CASS4: variants seen among roughly 807,000 people sequenced by gnomAD.
CASS4 encodes cas scaffolding protein family member 4.
A neutral mutation model predicts 54.2 loss-of-function variants in CASS4; 22 were observed. The observed-to-expected ratio is 0.41, with a 90% CI of 0.29 to 0.58. The LOEUF (loss-of-function observed/expected upper bound fraction) is 0.58, where lower values mean the gene tolerates loss of function less well. Ranked by LOEUF, CASS4 falls within the 20% of genes least tolerant of loss-of-function variation. The pLI is 0.36. For missense variants in CASS4, 854 were observed against 986.7 expected (o/e 0.87, Z 1.80); for synonymous variants, 409 against 391.5 (o/e 1.04, Z -0.53).
intron 3 of CASS4, among the ~76,000 whole-genome samples, chr20:56,449,453 C>A (rs1350784940): frequency 6.6e-6 from 1 of 151,258 alleles, no homozygotes; most frequent in African/African-American, 2.4e-5. Flanking sequence ...ACACCGGGGC[C>A]TGTCATGGGG....
intron 2 of CASS4, among the ~76,000 whole-genome samples, chr20:56,442,780 A>G (rs945061188): frequency 1.3e-5 from 2 of 151,970 alleles, no homozygotes; most frequent in Non-Finnish European, 2.9e-5. Context: ...TTTTGGATCC[A>G]CTAGTTCCTG....
chr20:56,432,080 T>G (rs568202766), intron 1 of CASS4, among the ~76,000 whole-genome samples: 23 of 152,330 alleles, frequency 1.5e-4, no homozygotes, highest in Non-Finnish European at 2.5e-4. Flanking sequence ...TTGAGGATAC[T>G]TGTCCAACTT....
intron 5 of CASS4, among the ~76,000 whole-genome samples, chr20:56,456,060 G>A (rs890650628): frequency 5.0e-5 from 7 of 139,616 alleles, no homozygotes; most frequent in African/African-American, 1.9e-4. Flanking sequence ...TGACGTTGAT[G>A]CTTCTGGTCC....
At chr20:56,451,648 G>A (rs901936366) in intron 4 of CASS4, among the ~76,000 whole-genome samples, 171 bp from the exon 5 acceptor site, 20 of 152,206 alleles carry the variant, frequency 1.3e-4, no homozygotes, top group African/African-American at 2.9e-4. Flanking sequence ...TGGGGTCAGC[G>A]TGGTGGAAGT....
At chr20:56,429,244 C>T (rs1455900831) in intron 1 of CASS4, among the ~76,000 whole-genome samples, 1 of 152,090 alleles carries the variant, frequency 6.6e-6, no homozygotes, top group Non-Finnish European at 1.5e-5. Context: ...GGGCCAGTTC[C>T]CTCTCTTCTT....
intron 1 of CASS4, among the ~76,000 whole-genome samples, chr20:56,431,470 G>A (rs183162861): frequency 3.3e-5 from 5 of 152,218 alleles, no homozygotes; most frequent in Admixed American, 6.5e-5. Flanking sequence ...GAGGGGAATC[G>A]TGTTATGGCA....
At chr20:56,457,224 C>T (rs770422106) in intron 5 of CASS4, among the ~76,000 whole-genome samples, 2 of 152,178 alleles carry the variant, frequency 1.3e-5, no homozygotes, top group Non-Finnish European at 2.9e-5. Flanking sequence ...TGTCTGAATG[C>T]TTCCGGGCTA....
intron 1 of CASS4, among the ~76,000 whole-genome samples, chr20:56,413,181 A>G (rs1600738854): frequency 6.6e-6 from 1 of 151,684 alleles, no homozygotes; most frequent in Admixed American, 6.6e-5. Context: ...AAAAAAAAAA[A>G]AAAGAAAAGA....
At chr20:56,439,893 G>T (rs999576749) in intron 2 of CASS4, among the ~76,000 whole-genome samples, 2 of 152,106 alleles carry the variant, frequency 1.3e-5, no homozygotes, top group East Asian at 3.8e-4. Flanking sequence ...CATCCCACCC[G>T]GCCACAGCTC....
chr20:56,453,660 A>G (rs2146297928), intron 5 of CASS4: 1 of 153,842 alleles, frequency 6.5e-6, no homozygotes, highest in Admixed American at 6.5e-5. Context: ...AGGCCAACGC[A>G]GGAGGATCCC....
chr20:56,444,116 A>G (rs1011028975), intron 2 of CASS4, among the ~76,000 whole-genome samples: 2 of 152,188 alleles, frequency 1.3e-5, no homozygotes, highest in South Asian at 4.1e-4. Flanking sequence ...GGCGGGGTGG[A>G]TTTTTACACT....
In CASS4 at chr20:56,445,836, G is replaced by C; in HGVS notation, c.460-64G>C. 3.0e-6 allele frequency: 4 copies of C among 1,312,846 alleles called. No individual in the cohort carries two copies. The Admixed American group carries it at 7.0e-5, about 23-fold the overall frequency. The allele number at this position is 1,312,846 out of a possible 1,614,324, so 81.3% of individuals were successfully genotyped here. A position where few individuals can be genotyped will look rare whatever the true frequency, so the allele number is the denominator to read the frequency against. ...TCTCTGCTTTTGGAGAGATGACTTT[G>C]AACCTGATTGTGATCATCAGAGTGA... On this transcript the variant is annotated intron_variant, in intron 2 of 5. Transcript: ENST00000679887.
Position 56,437,094 on chromosome 20 carries a change from G to A in CASS4, c.37-70G>A. On this transcript the variant is annotated intron_variant, in intron 1 of 5. Coordinates refer to ENST00000679887, the MANE Select transcript of CASS4 (RefSeq NM_020356.4). This position sits in a 1 kb window ranked among gnomAD's most constrained non-coding sequence, Gnocchi z 4.7. Reference sequence around the variant, plus strand: ...AATTTGTATGAAGCTTTCTAAGAGAGTGGGATTGGAGTAGCAGTCACTGGC... The same window carrying A: ...AATTTGTATGAAGCTTTCTAAGAGAATGGGATTGGAGTAGCAGTCACTGGC... The A allele has an allele frequency of 7.7e-7, 1 of 1,306,394 alleles. No individual in the cohort carries two copies. 80.9% of individuals were successfully genotyped at this position (1,306,394 alleles called of 1,614,324 possible).
chr20:56,419,484 G>A (rs1400610836), intron 1 of CASS4, among the ~76,000 whole-genome samples: 2 of 152,134 alleles, frequency 1.3e-5, no homozygotes, highest in Non-Finnish European at 2.9e-5. Flanking sequence ...CTGGAGTACA[G>A]TGGCACAATC....
chr20:56,444,030 G>A (rs1980589467), intron 2 of CASS4, among the ~76,000 whole-genome samples: 1 of 152,154 alleles, frequency 6.6e-6, no homozygotes, highest in African/African-American at 2.4e-5. Flanking sequence ...CAGCTGCAGC[G>A]TGTCCTTGGA....
In CASS4 at chr20:56,458,890, G is replaced by A. The variant is rs1981463865; in HGVS notation, c.*143G>A. The A allele has an allele frequency of 1.4e-5, 12 of 835,326 alleles. No individual in the cohort carries two copies. Among genetic ancestry groups the A allele is most frequent in the Non-Finnish European group, 2.2e-5 (12 of 549,094 alleles). 51.7% of individuals were successfully genotyped at this position (835,326 alleles called of 1,614,324 possible). A position where few individuals can be genotyped will look rare whatever the true frequency, so the allele number is the denominator to read the frequency against. ...TGGTGCCCAAAGCTGGTAGTACCAA[G>A]TGGCTAAGCAACCCCAGGGCATTGA... On this transcript the variant is annotated 3_prime_UTR_variant, in exon 6 of 6. Transcript: ENST00000679887.
At chr20:56,450,477 C>T (rs894294826) in intron 3 of CASS4, 122 bp from the exon 4 acceptor site, 26 of 893,594 alleles carry the variant, frequency 2.9e-5, no homozygotes, top group African/African-American at 3.3e-5. Flanking sequence ...CCAAAAGCAC[C>T]GAAAAGTCTT....
At chr20:56,457,203 T>A (rs1215856234) in intron 5 of CASS4, among the ~76,000 whole-genome samples, 1 of 152,234 alleles carries the variant, frequency 6.6e-6, no homozygotes, top group Non-Finnish European at 1.5e-5. Flanking sequence ...AAATCAGTTT[T>A]ATGCCCTATC....
chr20:56,413,559 G>A (rs1978985801), intron 1 of CASS4, among the ~76,000 whole-genome samples: 1 of 151,216 alleles, frequency 6.6e-6, no homozygotes, highest in Non-Finnish European at 1.5e-5. Flanking sequence ...CGTGATCCCA[G>A]CTACTCGGGA....
Sources: gnomAD v4.1 joint callset for allele counts (sites outside exome capture counted in the v4.1 genomes callset) on GRCh38, gnomAD v4.1.1 for gene constraint, Gnocchi (gnomAD v3.1) non-coding constraint, MANE v1.5 for transcripts, NCBI Gene and HGNC (gene_info 2026-07-23, HGNC 2026-07-21) for gene names.